HS3ST2: variants seen among roughly 807,000 people sequenced by gnomAD.
HS3ST2 encodes the protein heparan sulfate glucosamine 3-O-sulfotransferase 2.
HS3ST2 carries 17 observed loss-of-function variants against 26.3 expected under a neutral mutation model. The ratio of observed to expected loss-of-function variants is 0.65; its 90% CI spans 0.44 to 0.97. The LOEUF (loss-of-function observed/expected upper bound fraction) is 0.97, where lower values mean the gene tolerates loss of function less well. Ranked by LOEUF, HS3ST2 falls within the 50% of genes least tolerant of loss-of-function variation. The pLI, the probability that HS3ST2 is intolerant of heterozygous loss-of-function variation, is 0.00. For synonymous variants in HS3ST2, 237 were observed against 219.2 expected (o/e 1.08, Z -0.72); for missense variants, 402 against 501.2 (o/e 0.80, Z 1.89).
At position 22,818,631 on chromosome 16, in the gene HS3ST2, C is replaced by T. The variant is rs576508337; in HGVS notation, c.485+3536C>T. Among the ~76,000 whole-genome samples, 11 of 151,650 alleles carry T rather than the reference C, an allele frequency of 7.3e-5. 2 individuals are homozygous for T. Among genetic ancestry groups the T allele is most frequent in the African/African-American group, 2.4e-4 (10 of 41,322 alleles). Reference sequence around the variant, plus strand: ...TATTCCTTCCCTTCCCTTCCTCCTTCCCTCTCTCCCCTTTCCCTTCTCCTT... The same window carrying T: ...TATTCCTTCCCTTCCCTTCCTCCTTTCCTCTCTCCCCTTTCCCTTCTCCTT... On this transcript the variant is annotated intron_variant, in intron 1 of 1. Transcript: ENST00000261374.
chr16:22,819,678 T>C (rs903784693), intron 1 of HS3ST2, among the ~76,000 whole-genome samples: 4 of 152,248 alleles, frequency 2.6e-5, no homozygotes, highest in African/African-American at 9.6e-5. Flanking sequence ...CAGACTTCAC[T>C]TCACAACTCT....
At chr16:22,823,469 G>T (rs529456163) in intron 1 of HS3ST2, among the ~76,000 whole-genome samples, 5 of 152,262 alleles carry the variant, frequency 3.3e-5, no homozygotes, top group African/African-American at 9.6e-5. Context: ...GGGAAATATT[G>T]TTGGAGTTTG....
intron 1 of HS3ST2, among the ~76,000 whole-genome samples, chr16:22,872,690 G>T (rs1827586): frequency 6.6e-6 from 1 of 151,968 alleles, no homozygotes; most frequent in Non-Finnish European, 1.5e-5. Flanking sequence ...GACGTGGACC[G>T]CTGGGTGATG....
At chr16:22,874,312 A>C (rs566304724) in intron 1 of HS3ST2, among the ~76,000 whole-genome samples, 1 of 152,338 alleles carries the variant, frequency 6.6e-6, no homozygotes, top group East Asian at 1.9e-4. Flanking sequence ...TCAACCCTAA[A>C]GATGATTATT....
At chr16:22,851,303 T>G (rs989444853) in intron 1 of HS3ST2, among the ~76,000 whole-genome samples, 1 of 152,224 alleles carries the variant, frequency 6.6e-6, no homozygotes, top group Non-Finnish European at 1.5e-5. Context: ...CACCTGCATT[T>G]TATGTGCATA....
At chr16:22,912,707 T>C (rs929017450) in intron 1 of HS3ST2, among the ~76,000 whole-genome samples, 1 of 152,142 alleles carries the variant, frequency 6.6e-6, no homozygotes, top group Non-Finnish European at 1.5e-5. Context: ...TCTAATTACA[T>C]GCAAATTAAG....
At position 22,884,674 on chromosome 16, in the gene HS3ST2, A is replaced by AT. The variant is rs1245770441; in HGVS notation, c.486-30269dup. Among the ~76,000 whole-genome samples, 249 of 140,336 alleles carry AT rather than the reference A, an allele frequency of 1.8e-3. 1 individual carries two copies. Among genetic ancestry groups the AT allele is most frequent in the African/African-American group, 5.4e-3 (209 of 38,614 alleles). The allele number at this position is 140,336 out of a possible 152,430, so 92.1% of individuals were successfully genotyped here. ...TAGAGAAAAAAATATATATATATATATATTATATATATATATATATGTCTA... is the reference window on the plus strand; with the variant it reads ...TAGAGAAAAAAATATATATATATATATTATTATATATATATATATATGTCTA... On this transcript the variant is annotated intron_variant, in intron 1 of 1. Transcript: ENST00000261374.
At chr16:22,853,175 GC>G (rs1201496696) in intron 1 of HS3ST2, among the ~76,000 whole-genome samples, 1 of 152,030 alleles carries the variant, frequency 6.6e-6, no homozygotes, top group Non-Finnish European at 1.5e-5. Context: ...ACCTCAGAAA[GC>G]CCCCCATGCA....
intron 1 of HS3ST2, among the ~76,000 whole-genome samples, chr16:22,823,184 C>G (rs574472276): frequency 4.6e-5 from 7 of 152,176 alleles, no homozygotes; most frequent in Non-Finnish European, 8.8e-5. Context: ...AGATTGAAAA[C>G]AAAACAGTGT....
At chr16:22,881,643 C>T (rs998270219) in intron 1 of HS3ST2, among the ~76,000 whole-genome samples, 1 of 152,194 alleles carries the variant, frequency 6.6e-6, no homozygotes, top group Non-Finnish European at 1.5e-5. Flanking sequence ...ATCCTAACTT[C>T]TCAGCAAGGT....
At chr16:22,820,650 T>G (rs905456549) in intron 1 of HS3ST2, among the ~76,000 whole-genome samples, 1 of 152,252 alleles carries the variant, frequency 6.6e-6, no homozygotes, top group Non-Finnish European at 1.5e-5. Flanking sequence ...ACCGCCATGA[T>G]TCAATTATCT....
Position 22,852,226 on chromosome 16 carries a change from G to A in HS3ST2, c.485+37131G>A, listed in dbSNP as rs146229234. 9.2e-3 allele frequency among the ~76,000 whole-genome samples: 1,405 copies of A among 152,298 alleles called. 28 individuals carry two copies. The highest frequency in any genetic ancestry group is 0.032 in the African/African-American group (1,341 of 41,560). ...ACTTATCTGGCCCCAAATGTCAATAGTGCTGAGGTTCAGAAACCCTGGTCT... is the reference window on the plus strand; with the variant it reads ...ACTTATCTGGCCCCAAATGTCAATAATGCTGAGGTTCAGAAACCCTGGTCT... On this transcript the variant is annotated intron_variant, in intron 1 of 1. Coordinates refer to ENST00000261374, the MANE Select transcript of HS3ST2 (RefSeq NM_006043.2).
chr16:22,827,383 T>C (rs1318911677), intron 1 of HS3ST2, among the ~76,000 whole-genome samples: 1 of 152,214 alleles, frequency 6.6e-6, no homozygotes, highest in Admixed American at 6.5e-5. Context: ...TAAGGCATTA[T>C]ATGATCTGAC....
chr16:22,890,813 T>C (rs1037220878), intron 1 of HS3ST2, among the ~76,000 whole-genome samples: 67 of 152,296 alleles, frequency 4.4e-4, no homozygotes, highest in Non-Finnish European at 6.3e-4. Flanking sequence ...CCTTCCTAAT[T>C]GTAAAGAGCT....
chr16:22,912,423 A>C (rs1162768085), intron 1 of HS3ST2, among the ~76,000 whole-genome samples: 1 of 152,200 alleles, frequency 6.6e-6, no homozygotes, highest in Admixed American at 6.5e-5. Context: ...TTGATATTCC[A>C]AAGGATGTGA....
chr16:22,871,454 C>T (rs1448361006), intron 1 of HS3ST2, among the ~76,000 whole-genome samples: 1 of 152,030 alleles, frequency 6.6e-6, no homozygotes, highest in Non-Finnish European at 1.5e-5. Flanking sequence ...GTCAGCTTGG[C>T]TAAGCTACAA....
chr16:22,861,054 T>C (rs2141189192), intron 1 of HS3ST2, among the ~76,000 whole-genome samples: 1 of 152,044 alleles, frequency 6.6e-6, no homozygotes, highest in South Asian at 2.1e-4. Flanking sequence ...TTAAAAATTT[T>C]TTTGTAGATA....
intron 1 of HS3ST2, among the ~76,000 whole-genome samples, chr16:22,878,395 C>T (rs1018179009): frequency 6.6e-6 from 1 of 152,194 alleles, no homozygotes; most frequent in African/African-American, 2.4e-5. Flanking sequence ...GAGCCTGAGA[C>T]CTGCCCTGTC....
chr16:22,881,345 T>A (rs1392073472), intron 1 of HS3ST2, among the ~76,000 whole-genome samples: 2 of 152,134 alleles, frequency 1.3e-5, no homozygotes, highest in African/African-American at 4.8e-5. Flanking sequence ...GGAGCAGACA[T>A]TTGCGCTGTC....
Sources: gnomAD v4.1 joint callset for allele counts (sites outside exome capture counted in the v4.1 genomes callset) on GRCh38, gnomAD v4.1.1 for gene constraint, MANE v1.5 for transcripts, NCBI Gene and HGNC (gene_info 2026-07-23, HGNC 2026-07-21) for gene names.